Variants in BICDL1 observed in about 807,000 individuals in gnomAD.
BICDL1 encodes the protein BICD family-like cargo adapter 1.
In BICDL1, 20 loss-of-function variants were observed where a neutral mutation model predicts 76.8. That is an observed-to-expected ratio of 0.26 (90% CI 0.18 to 0.38). The LOEUF (loss-of-function observed/expected upper bound fraction) is 0.38, where lower values mean the gene tolerates loss of function less well. Among genes scored for constraint, BICDL1 ranks in the 10% least tolerant of loss-of-function variants. BICDL1 has a pLI of 1.00. For synonymous variants in BICDL1, 383 were observed against 337.1 expected, an observed-to-expected ratio of 1.14 and a Z score of -1.49; for missense variants, 700 against 798.6, an observed-to-expected ratio of 0.88 and a Z score of 1.49.
rs751645916 is a variant in BICDL1 at position 120,080,998 on chromosome 12, C to T, written c.1564C>T (p.Arg522Cys). Residue 522 changes from arginine (R) to cysteine (C), a missense_variant, in exon 8 of 10, where the codon CGC becomes TGC. By Grantham distance (180) the Arg-to-Cys change is radical. Around this residue, in one of 3 missense-constraint regions of BICDL1, gnomAD observed 455 missense variants for 548.7 expected, o/e 0.83. Transcript: ENST00000548673. The stretch of plus-strand genomic sequence containing the variant: ...GCAGCTTCAGAAGGCCATCAGGGAC[C>T]GCGACGAGGCCATTGCAAAGTGAGT... ...KEQLQKAIRD[R>C]DEAIAKKNAV... 19 of 1,613,248 alleles carry T rather than the reference C, an allele frequency of 1.2e-5. No homozygotes were observed. Among genetic ancestry groups the T allele is most frequent in the Admixed American group, 3.3e-5 (2 of 59,990 alleles).
At chr12:120,062,585 C>A in intron 3 of BICDL1, among the ~76,000 whole-genome samples, 1 of 152,146 alleles carries the variant, frequency 6.6e-6, no homozygotes, top group East Asian at 1.9e-4. Context: ...TGTGACGAAG[C>A]GATCTGCCAT....
At chr12:120,092,315 G>A in intron 9 of BICDL1, 1 of 985,438 alleles carries the variant, frequency 1.0e-6, no homozygotes, top group Non-Finnish European at 1.2e-6. Flanking sequence ...TTCGAGTTGG[G>A]GGACGGTCCT....
chr12:120,084,939 A>G (rs1254464828), intron 8 of BICDL1, among the ~76,000 whole-genome samples: 1 of 149,250 alleles, frequency 6.7e-6, no homozygotes, highest in Non-Finnish European at 1.5e-5. Context: ...TTCCACACAC[A>G]CTTTCCCCCT....
rs377167523 is a variant in BICDL1, at chr12:120,076,507, A to G, written c.1452+1921A>G. On this transcript the variant is annotated intron_variant, in intron 7 of 9. Transcript: ENST00000548673. Reference sequence around the variant, plus strand: ...GGGGCATTGTTTTATTCAGAAACATAAGCAAATTGTAGGTTGCCAAGATTC... The same window carrying G: ...GGGGCATTGTTTTATTCAGAAACATGAGCAAATTGTAGGTTGCCAAGATTC... 1.8e-4 allele frequency among the ~76,000 whole-genome samples: 28 copies of G among 152,324 alleles called. 1 individual carries two copies. The East Asian group carries it at 4.6e-3, about 25-fold the overall frequency.
intron 6 of BICDL1, 35 bp downstream of exon 6, chr12:120,072,764 A>T: frequency 6.3e-7 from 1 of 1,580,480 alleles, no homozygotes; most frequent in Non-Finnish European, 8.6e-7. Context: ...CTTACCCCAC[A>T]GGAGCTGGCT....
rs572010704 is a variant in BICDL1, at chr12:120,090,881, G to A, written c.1704+810G>A. On this transcript the variant is annotated intron_variant, in intron 9 of 9. Coordinates refer to ENST00000548673, the MANE Select transcript of BICDL1 (RefSeq NM_001367886.1). ...CCAGCTGGCCGCGCCCTGGCTGACC[G>A]CTGCTCTCTCTCTTCTCTCCCGGCT... The A allele has an allele frequency of 2.6e-5, 33 of 1,288,788 alleles. 1 individual carries two copies. The Admixed American group carries it at 3.0e-4, about 12-fold the overall frequency. 79.8% of individuals were successfully genotyped at this position (1,288,788 alleles called of 1,614,324 possible).
Position 120,094,107 on chromosome 12 carries a change from G to T in BICDL1, c.*946G>T. ...CACCACGGGGTGGAGGGGAGGGGGA[G>T]GCTGCCGGAAGCCTCCAGATGCTGC... On this transcript the variant is annotated 3_prime_UTR_variant, in exon 10 of 10. Transcript: ENST00000548673. 1 of 426,250 alleles carries T rather than the reference G, an allele frequency of 2.3e-6. No individual in the cohort carries two copies. Among genetic ancestry groups the T allele is most frequent in the Non-Finnish European group, 4.8e-6 (1 of 210,514 alleles). The allele number at this position is 426,250 out of a possible 1,614,324, so 26.4% of individuals were successfully genotyped here. A position where few individuals can be genotyped will look rare whatever the true frequency, so the allele number is the denominator to read the frequency against.
At chr12:120,013,546 C>T (rs1414452912) in intron 2 of BICDL1, among the ~76,000 whole-genome samples, 2 of 151,286 alleles carry the variant, frequency 1.3e-5, no homozygotes, top group Non-Finnish European at 1.5e-5. Flanking sequence ...ACTGCAACCT[C>T]CGCCTCCTGG....
chr12:120,034,775 AG>A, intron 2 of BICDL1, among the ~76,000 whole-genome samples: 1 of 152,196 alleles, frequency 6.6e-6, no homozygotes, highest in South Asian at 2.1e-4. Flanking sequence ...GCTATAGGAC[AG>A]GACTGAGGCC....
chr12:120,091,040 C>A (rs971047923), intron 9 of BICDL1: 19 of 1,288,816 alleles, frequency 1.5e-5, no homozygotes, highest in Non-Finnish European at 1.9e-5. Context: ...GCCCTACATC[C>A]CATCCACCGT....
At chr12:119,995,650 A>C (rs1346695818) in intron 1 of BICDL1, among the ~76,000 whole-genome samples, 1 of 152,190 alleles carries the variant, frequency 6.6e-6, no homozygotes, top group Non-Finnish European at 1.5e-5. Context: ...TGCAATTAGC[A>C]TTTGTTTCTG....
chr12:120,001,461 T>C (rs535876552), intron 2 of BICDL1, among the ~76,000 whole-genome samples: 1 of 152,152 alleles, frequency 6.6e-6, no homozygotes, highest in East Asian at 1.9e-4. Flanking sequence ...TTAGCCAGGA[T>C]GGTCTCGATC....
chr12:119,992,133 GTTATA>G (rs1161202648), intron 1 of BICDL1, among the ~76,000 whole-genome samples: 1 of 152,110 alleles, frequency 6.6e-6, no homozygotes, highest in Non-Finnish European at 1.5e-5. Flanking sequence ...AGGGGAGTCA[GTTATA>G]TTATTTCTTA....
Position 119,990,230 on chromosome 12 carries a change from T to A in BICDL1, c.362T>A (p.Leu121His). The A allele has an allele frequency of 6.3e-7, 1 of 1,575,474 alleles. No individual in the cohort carries two copies. The highest frequency in any genetic ancestry group is 8.6e-7 in the Non-Finnish European group (1 of 1,161,564). The change falls in exon 1 of 10, where the codon CTC becomes CAC. Residue 121 changes from leucine to histidine, a missense_variant. Coordinates refer to ENST00000548673, the MANE Select transcript of BICDL1 (RefSeq NM_001367886.1). ...VLAARLGKAL[L>H]ERNQDMSRQY... ...GCGGCCCGGCTGGGTAAGGCGCTGC[T>A]CGAGAGGAACCAGGACATGAGCCGG...
chr12:120,009,432 A>T (rs1423734102), intron 2 of BICDL1, among the ~76,000 whole-genome samples: 1 of 152,070 alleles, frequency 6.6e-6, no homozygotes, highest in Non-Finnish European at 1.5e-5. Flanking sequence ...TAAATTTTGG[A>T]GGTTTGAAGG....
intron 9 of BICDL1, chr12:120,090,678 C>T (rs1206510479): frequency 2.8e-6 from 1 of 363,462 alleles, no homozygotes; most frequent in African/African-American, 2.1e-5. Flanking sequence ...ATTAATATTT[C>T]TCCCCAAGAA....
In BICDL1 at chr12:120,071,944, A is replaced by G. The variant is rs1873139072; in HGVS notation, c.1089+143A>G. On this transcript the variant is annotated intron_variant, in intron 5 of 9. Coordinates refer to ENST00000548673, the MANE Select transcript of BICDL1 (RefSeq NM_001367886.1). The surrounding 1 kb of genome is among the most constrained non-coding windows in gnomAD (Gnocchi z 4.8). ...CCCTTGGCCTGCTGGCTAGAGTGTC[A>G]TGAAGCAGGCCCTGATGGAGCATGT... 18 of 1,364,404 alleles carry G rather than the reference A, an allele frequency of 1.3e-5. No homozygotes were observed. In the South Asian group the frequency reaches 2.6e-4, roughly 20 times the overall value. 84.5% of individuals were successfully genotyped at this position (1,364,404 alleles called of 1,614,324 possible). A position where few individuals can be genotyped will look rare whatever the true frequency, so the allele number is the denominator to read the frequency against.
chr12:120,016,424 T>A lies in BICDL1; in HGVS notation c.645+17688T>A, dbSNP rs374075590. Among the ~76,000 whole-genome samples the A allele has an allele frequency of 7.0e-4, 105 of 150,956 alleles. 1 individual carries two copies. The highest frequency in any genetic ancestry group is 6.7e-3 in the South Asian group (32 of 4,766). ...TTAGGAGTGGAATTGCTATATGGTA[T>A]GTCTGTAACCTTTTTTTTTTTTTTT... On this transcript the variant is annotated intron_variant, in intron 2 of 9. Transcript: ENST00000548673.
intron 1 of BICDL1, among the ~76,000 whole-genome samples, chr12:119,996,225 C>T (rs12318774): frequency 0.13 from 20,147 of 152,078 alleles, 1,649 homozygotes; most frequent in East Asian, 0.41. Context: ...CTGCCTTTGC[C>T]AGTGTGCTCA....
Sources: gnomAD v4.1 joint callset for allele counts (sites outside exome capture counted in the v4.1 genomes callset) on GRCh38, gnomAD v4.1.1 for gene constraint, gnomAD v4.1.1 regional missense constraint, Gnocchi (gnomAD v3.1) non-coding constraint, MANE v1.5 for transcripts, NCBI Gene and HGNC (gene_info 2026-07-23, HGNC 2026-07-21) for gene names.